The following CENPC variants were observed in gnomAD, a reference collection of about 807,000 sequenced individuals.
CENPC encodes the protein centromere protein C.
Under a neutral mutation model 112.1 loss-of-function variants are expected in CENPC, and 63 were observed. The ratio of observed to expected loss-of-function variants is 0.56; its 90% CI spans 0.46 to 0.69. CENPC has a LOEUF of 0.69. Ranked by LOEUF, CENPC falls within the 30% of genes least tolerant of loss-of-function variation. The probability of loss-of-function intolerance (pLI) is 0.00; values close to 1 mark genes in which losing one functional copy is unlikely to be tolerated. For synonymous variants in CENPC, 333 were observed against 367.6 expected, an observed-to-expected ratio of 0.91 and a Z score of 1.08; for missense variants, 1,000 against 1,103.8, an observed-to-expected ratio of 0.91 and a Z score of 1.33.
At chr4:67,494,047 G>C in intron 13 of CENPC, 59 bp from the exon 14 acceptor site, 1 of 905,080 alleles carries the variant, frequency 1.1e-6, no homozygotes, top group Admixed American at 3.1e-5. Context: ...GTACTTAGCA[G>C]TGGAAAGACT....
At chr4:67,503,828 G>C (rs1725660354) in intron 12 of CENPC, among the ~76,000 whole-genome samples, 1 of 151,582 alleles carries the variant, frequency 6.6e-6, no homozygotes, top group Non-Finnish European at 1.5e-5. Flanking sequence ...AAATAAAATA[G>C]ACTAAGTTTT....
At chr4:67,476,379 T>A (rs1041374577) in intron 17 of CENPC, among the ~76,000 whole-genome samples, 3 of 152,106 alleles carry the variant, frequency 2.0e-5, no homozygotes, top group African/African-American at 7.2e-5. Flanking sequence ...TCCAAACACA[T>A]CCTTACTGGG....
intron 9 of CENPC, among the ~76,000 whole-genome samples, chr4:67,511,884 T>C (rs1167122015): frequency 6.6e-6 from 1 of 152,148 alleles, no homozygotes; most frequent in Non-Finnish European, 1.5e-5. Flanking sequence ...ACTTTTTTTC[T>C]ACTGAATTTG....
rs942583783 is a variant in CENPC at position 67,508,900 on chromosome 4, A to T, written c.1818T>A (p.His606Gln). The T allele has an allele frequency of 1.9e-6, 3 of 1,613,558 alleles. No homozygotes were observed. The stretch of plus-strand genomic sequence containing the variant: ...TCAGCGAACATCTGGAAATTTCATC[A>T]TGACCAACGATACCTCCAGAACCTT... Reference protein sequence around the residue: ...NAEGSGGIVGHDEISRCSLSE... With the variant: ...NAEGSGGIVGQDEISRCSLSE... Residue 606 changes from histidine (H) to glutamine (Q), a missense_variant, in exon 10 of 19, where the codon CAT becomes CAA. Coordinates refer to ENST00000273853, the MANE Select transcript of CENPC (RefSeq NM_001812.4).
At chr4:67,545,245 C>T in intron 1 of CENPC, 93 bp downstream of exon 1, 2 of 1,271,700 alleles carry the variant, frequency 1.6e-6, no homozygotes, top group East Asian at 3.0e-5. Flanking sequence ...GAGATCACAG[C>T]CTCAGCCTAG....
chr4:67,498,512 A>G (rs764989651), intron 12 of CENPC, among the ~76,000 whole-genome samples: 1 of 152,242 alleles, frequency 6.6e-6, no homozygotes, highest in Non-Finnish European at 1.5e-5. Context: ...AACTAAGTTC[A>G]TGGAATATCC....
rs1368479661 is a variant in CENPC, at chr4:67,505,239, A to G, written c.2097T>C (p.Asn699=). ...LNNNYLMSGK[N]DVDDEEVHGS... is the part of the protein sequence containing the mutation. ...CATGAACTTCCTCATCATCCACATC[A>G]TTCTTTCCAGACATTAAATAATTAT... Residue 699 remains asparagine, a synonymous_variant, in exon 12 of 19, where the codon AAT becomes AAC. Coordinates refer to ENST00000273853, the MANE Select transcript of CENPC (RefSeq NM_001812.4). 3 of 1,583,514 alleles carry G rather than the reference A, an allele frequency of 1.9e-6. No individual in the cohort carries two copies. Among genetic ancestry groups the G allele is most frequent in the Admixed American group, 3.6e-5 (2 of 55,142 alleles).
At chr4:67,478,829 A>G (rs1056193779) in intron 17 of CENPC, among the ~76,000 whole-genome samples, 17 of 152,302 alleles carry the variant, frequency 1.1e-4, no homozygotes, top group Middle Eastern at 3.4e-3. Flanking sequence ...CAAAAGACTC[A>G]CTTAACACAT....
intron 9 of CENPC, chr4:67,512,057 T>C (rs1287990104): frequency 5.6e-6 from 1 of 178,454 alleles, no homozygotes; most frequent in Non-Finnish European, 1.2e-5. Context: ...ATAAACTCCT[T>C]GGTGGCAGAA....
At chr4:67,536,558 T>C (rs1282029669) in intron 4 of CENPC, among the ~76,000 whole-genome samples, 2 of 151,974 alleles carry the variant, frequency 1.3e-5, no homozygotes, top group Non-Finnish European at 2.9e-5. Flanking sequence ...GAAAAGCCTA[T>C]AAGATAGATA....
In CENPC at chr4:67,469,707, T is replaced by G. The variant is rs969786724; in HGVS notation, c.*2898A>C. 6.6e-6 allele frequency: 1 copy of G among 152,232 alleles called. No homozygotes were observed. Among genetic ancestry groups the G allele is most frequent in the African/African-American group, 2.4e-5 (1 of 41,466 alleles). 9.4% of individuals were successfully genotyped at this position (152,232 alleles called of 1,614,324 possible). Reference sequence around the variant, plus strand: ...CTGCCTGACAAAGTAGGCAGGACTGTGATTCTTTAAAGACATGAAATTAAC... The same window carrying G: ...CTGCCTGACAAAGTAGGCAGGACTGGGATTCTTTAAAGACATGAAATTAAC... On this transcript the variant is annotated 3_prime_UTR_variant, in exon 19 of 19. Coordinates refer to ENST00000273853, the MANE Select transcript of CENPC (RefSeq NM_001812.4).
chr4:67,504,031 A>G (rs1216036781), intron 12 of CENPC, among the ~76,000 whole-genome samples: 1 of 151,464 alleles, frequency 6.6e-6, no homozygotes, highest in Non-Finnish European at 1.5e-5. Flanking sequence ...GAAGTTTAAG[A>G]ACACTGAAAT....
chr4:67,532,266 T>C (rs1300207266), intron 4 of CENPC, among the ~76,000 whole-genome samples: 4 of 152,136 alleles, frequency 2.6e-5, no homozygotes, highest in Non-Finnish European at 5.9e-5. Context: ...GGAGAGGATG[T>C]GGAGAAATAG....
In CENPC at chr4:67,514,095, T is replaced by A; in HGVS notation, c.1423A>T (p.Lys475Ter). The A allele has an allele frequency of 6.3e-7, 1 of 1,596,972 alleles. No individual in the cohort carries two copies. The highest frequency in any genetic ancestry group is 8.5e-7 in the Non-Finnish European group (1 of 1,173,986). The part of the protein sequence containing the change: ...HEEMGNDCVS[K>*]KQMPPVGSKK... ...TTACCCACAGGTGGCATCTGTTTTT[T>A]GGAAACACAATCATTTCCCATCTCT... is the stretch of plus-strand genomic sequence containing the variant. Residue 475 changes from lysine (K) to a stop codon, truncating the protein, a stop_gained, in exon 8 of 19, where the codon AAA becomes TAA. Coordinates refer to ENST00000273853, the MANE Select transcript of CENPC (RefSeq NM_001812.4). LOFTEE classifies it high-confidence loss of function.
At chr4:67,502,614 C>T (rs542129716) in intron 12 of CENPC, among the ~76,000 whole-genome samples, 1 of 152,254 alleles carries the variant, frequency 6.6e-6, no homozygotes, top group South Asian at 2.1e-4. Flanking sequence ...GCAGTGGGAA[C>T]ACTTTACTTC....
rs572566783 is a variant in CENPC, at chr4:67,491,519, A to C, written c.2515+661T>G. On this transcript the variant is annotated intron_variant, in intron 16 of 18. Transcript: ENST00000273853. ...GAGAGAGAGAGAGAGAGAGAGAGAG[A>C]GAGAGAGAGCCTGGTTGTTAAACAG... 1.3e-3 allele frequency among the ~76,000 whole-genome samples: 179 copies of C among 137,370 alleles called. 5 individuals carry two copies. The highest frequency in any genetic ancestry group is 1.7e-3 in the Non-Finnish European group (108 of 63,008). The allele number at this position is 137,370 out of a possible 152,430, so 90.1% of individuals were successfully genotyped here. A position where few individuals can be genotyped will look rare whatever the true frequency, so the allele number is the denominator to read the frequency against.
Position 67,512,330 on chromosome 4 carries a change from A to G in CENPC, c.1612+72T>C, listed in dbSNP as rs1725914409. ...CATGATATTCTCTATATAGAAATAT[A>G]AAATCAAACATAATGCCCCTTACAG... On this transcript the variant is annotated intron_variant, in intron 9 of 18. Coordinates refer to ENST00000273853, the MANE Select transcript of CENPC (RefSeq NM_001812.4). 5.4e-6 allele frequency: 6 copies of G among 1,109,482 alleles called. 1 individual carries two copies. The highest frequency in any genetic ancestry group is 7.7e-6 in the Non-Finnish European group (6 of 777,482). The allele number at this position is 1,109,482 out of a possible 1,614,324, so 68.7% of individuals were successfully genotyped here.
intron 12 of CENPC, among the ~76,000 whole-genome samples, chr4:67,496,110 A>G (rs1725424748): frequency 6.6e-6 from 1 of 152,210 alleles, no homozygotes; most frequent in African/African-American, 2.4e-5. Flanking sequence ...AGATTAACAC[A>G]AGACTGCCAT....
chr4:67,476,856 G>A (rs1724819074), intron 17 of CENPC, among the ~76,000 whole-genome samples: 1 of 152,174 alleles, frequency 6.6e-6, no homozygotes, highest in Admixed American at 6.5e-5. Context: ...GACTGGCCTA[G>A]CCTGGCTGCT....
Sources: allele counts gnomAD v4.1 joint callset (sites outside exome capture counted in the v4.1 genomes callset), GRCh38; gene constraint gnomAD v4.1.1; transcripts MANE v1.5; gene names NCBI Gene and HGNC (gene_info 2026-07-23, HGNC 2026-07-21).